Variants in SDK1 observed in about 807,000 individuals in gnomAD.
SDK1 encodes protein sidekick-1.
SDK1 carries 157 observed loss-of-function variants against 245.5 expected under a neutral mutation model. The observed-to-expected ratio is 0.64, with a 90% confidence interval of 0.56 to 0.73. The LOEUF (loss-of-function observed/expected upper bound fraction) is 0.73. Among genes scored for constraint, SDK1 ranks in the 30% least tolerant of loss-of-function variants. SDK1 has a pLI of 0.00. For synonymous variants in SDK1, 1,647 were observed against 1,278.5 expected (o/e 1.29, Z -6.15); for missense variants, 3,583 against 3,002.3 (o/e 1.19, Z -4.52).
At chr7:3,672,492 A>G (rs1192849032) in intron 4 of SDK1, among the ~76,000 whole-genome samples, 2 of 150,502 alleles carry the variant, frequency 1.3e-5, no homozygotes, top group African/African-American at 4.9e-5. Flanking sequence ...CAAAGAAGAA[A>G]GATGAGCTGG....
chr7:3,517,074 A>G (rs1325954457), intron 1 of SDK1, among the ~76,000 whole-genome samples: 1 of 152,320 alleles, frequency 6.6e-6, no homozygotes, highest in East Asian at 1.9e-4. Flanking sequence ...TATTTTATAC[A>G]TTATTCATAA....
chr7:4,169,049 C>T (rs1027062516), intron 32 of SDK1, among the ~76,000 whole-genome samples: 13 of 152,172 alleles, frequency 8.5e-5, no homozygotes, highest in African/African-American at 3.1e-4. Flanking sequence ...GAGCCATTAG[C>T]GGGGACCTGT....
At chr7:3,890,074 G>A (rs960861615) in intron 5 of SDK1, among the ~76,000 whole-genome samples, 12 of 152,330 alleles carry the variant, frequency 7.9e-5, no homozygotes, top group East Asian at 1.9e-4. Context: ...TTGGGAGACC[G>A]TCTGTCCCTC....
In SDK1 at chr7:3,457,469, A is replaced by G. The variant is rs1361768006; in HGVS notation, c.298+155585A>G. On this transcript the variant is annotated intron_variant, in intron 1 of 44. Transcript: ENST00000404826. ...TTCCCACTGTCACAACTTGTGGTTCAATCATAATGTGGTGTGTACATCCTT... is the reference window on the plus strand; with the variant it reads ...TTCCCACTGTCACAACTTGTGGTTCGATCATAATGTGGTGTGTACATCCTT... 4.6e-5 allele frequency among the ~76,000 whole-genome samples: 7 copies of G among 152,242 alleles called. No individual in the cohort carries two copies. The East Asian group carries it at 1.2e-3, about 25-fold the overall frequency.
chr7:4,122,343 G>T (rs1224770490), intron 25 of SDK1, among the ~76,000 whole-genome samples: 1 of 152,186 alleles, frequency 6.6e-6, no homozygotes, highest in Non-Finnish European at 1.5e-5. Flanking sequence ...ATGGGGAGGT[G>T]AAGGGGTTGC....
At chr7:3,625,853 G>A (rs564177873) in intron 2 of SDK1, among the ~76,000 whole-genome samples, 1 of 152,188 alleles carries the variant, frequency 6.6e-6, no homozygotes, top group East Asian at 1.9e-4. Flanking sequence ...CCACCATAAA[G>A]CTACTCAGGG....
At chr7:3,524,810 G>A (rs928192308) in intron 1 of SDK1, among the ~76,000 whole-genome samples, 2 of 151,782 alleles carry the variant, frequency 1.3e-5, no homozygotes, top group African/African-American at 4.8e-5. Context: ...GTCCAGATTA[G>A]AAAAAAAATT....
intron 14 of SDK1, among the ~76,000 whole-genome samples, chr7:3,989,415 A>G (rs922012749): frequency 1.3e-5 from 2 of 152,098 alleles, no homozygotes; most frequent in African/African-American, 4.8e-5. Context: ...GGAGTTCAAG[A>G]TGAGATTTGG....
At chr7:3,874,268 G>A (rs368066013) in intron 5 of SDK1, among the ~76,000 whole-genome samples, 15 of 152,178 alleles carry the variant, frequency 9.9e-5, no homozygotes, top group African/African-American at 3.1e-4. Context: ...ACTTGTCTCC[G>A]TATCTGCTCC....
chr7:3,398,785 T>TTC (rs1778803904), intron 1 of SDK1, among the ~76,000 whole-genome samples: 1 of 136,732 alleles, frequency 7.3e-6, no homozygotes. Context: ...TTTTTTTTTT[T>TTC]CCTCAAGCTA....
chr7:4,079,045 C>T (rs1027320761), intron 21 of SDK1, among the ~76,000 whole-genome samples: 5 of 152,214 alleles, frequency 3.3e-5, no homozygotes, highest in Non-Finnish European at 5.9e-5. Context: ...TCCATCCCTC[C>T]GAGGCCGCGG....
At chr7:4,149,189 G>A (rs774141007) in intron 29 of SDK1, 73 bp from the exon 30 acceptor site, 18 of 1,283,950 alleles carry the variant, frequency 1.4e-5, no homozygotes, top group South Asian at 5.3e-5. Context: ...GTACAGCAGC[G>A]TAGCCTCCTG....
intron 22 of SDK1, among the ~76,000 whole-genome samples, chr7:4,091,831 G>C (rs1248808388): frequency 6.6e-6 from 1 of 152,092 alleles, no homozygotes; most frequent in East Asian, 1.9e-4. Context: ...GGAAAGAACA[G>C]TTCTGCAGCC....
At position 3,522,873 on chromosome 7, in the gene SDK1, TTGTC is replaced by T. The variant is rs1191656240; in HGVS notation, c.299-96204_299-96201del. On this transcript the variant is annotated intron_variant, in intron 1 of 44. Transcript: ENST00000404826. Reference sequence around the variant, plus strand: ...TCACATCAGTGAGTATGGCCAGCCTTTGTCTGCGGAGATCTGATTAGTTTGTTAA... The same window carrying T: ...TCACATCAGTGAGTATGGCCAGCCTTTGCGGAGATCTGATTAGTTTGTTAA... Among the ~76,000 whole-genome samples the T allele has an allele frequency of 6.1e-5, 5 of 82,394 alleles. No homozygotes were observed. In the Admixed American group the frequency reaches 6.8e-4, roughly 11 times the overall value. The allele number at this position is 82,394 out of a possible 152,430, so 54.1% of individuals were successfully genotyped here. A position where few individuals can be genotyped will look rare whatever the true frequency, so the allele number is the denominator to read the frequency against.
At chr7:4,133,550 G>A (rs1387023693) in intron 28 of SDK1, among the ~76,000 whole-genome samples, 1 of 152,226 alleles carries the variant, frequency 6.6e-6, no homozygotes, top group Non-Finnish European at 1.5e-5. Context: ...TTTTGAGAGG[G>A]ATCTGGAGAT....
intron 5 of SDK1, among the ~76,000 whole-genome samples, chr7:3,916,915 C>A (rs989456886): frequency 6.6e-6 from 1 of 152,306 alleles, no homozygotes; most frequent in East Asian, 1.9e-4. Flanking sequence ...ATTCCTGATA[C>A]AGGCACAGAT....
intron 5 of SDK1, among the ~76,000 whole-genome samples, chr7:3,857,628 A>G (rs546439938): frequency 9.2e-5 from 14 of 151,988 alleles, no homozygotes; most frequent in African/African-American, 3.4e-4. Context: ...TCAAGGCTGC[A>G]GTGATCTATG....
intron 4 of SDK1, among the ~76,000 whole-genome samples, chr7:3,779,706 G>T (rs1025369123): frequency 1.3e-5 from 2 of 152,110 alleles, no homozygotes; most frequent in African/African-American, 4.8e-5. Flanking sequence ...GCCGAGGCGG[G>T]TGGATCATGA....
rs143092630 is a variant in SDK1, at chr7:3,563,400, G to C, written c.299-55680G>C. 2.9e-4 allele frequency among the ~76,000 whole-genome samples: 44 copies of C among 152,266 alleles called. No homozygotes were observed. In the East Asian group the frequency reaches 5.8e-3, roughly 20 times the overall value. On this transcript the variant is annotated intron_variant, in intron 1 of 44. Transcript: ENST00000404826. ...CTTCAAAAGAAGTTGGAAATAAAAG[G>C]ATGGAAGAGAGAGTACACAAATATG...
Sources: gnomAD v4.1 joint callset for allele counts (sites outside exome capture counted in the v4.1 genomes callset) on GRCh38, gnomAD v4.1.1 for gene constraint, MANE v1.5 for transcripts, NCBI Gene and HGNC (gene_info 2026-07-23, HGNC 2026-07-21) for gene names.